TFB1M: variants seen among roughly 807,000 people sequenced by gnomAD.
The protein encoded by TFB1M is dimethyladenosine transferase 1, mitochondrial.
In TFB1M, 27 loss-of-function variants were observed where a neutral mutation model predicts 31.1. That is an observed-to-expected ratio of 0.87 (90% CI 0.64 to 1.20). The LOEUF (loss-of-function observed/expected upper bound fraction) is 1.20. TFB1M is among the 50% of genes most tolerant of loss of function. The probability of loss-of-function intolerance (pLI) is 0.00; values close to 1 mark genes in which losing one functional copy is unlikely to be tolerated. For missense variants in TFB1M, 394 were observed against 418.7 expected (o/e 0.94, Z 0.51); for synonymous variants, 166 against 151.8 (o/e 1.09, Z -0.69).
chr6:155,279,576 T>TTTTCTCATATAGTG, intron 5 of TFB1M, among the ~76,000 whole-genome samples: 1 of 152,358 alleles, frequency 6.6e-6, no homozygotes, highest in Non-Finnish European at 1.5e-5. Context: ...TGTTTTCTCA[T>TTTTCTCATATAGTG]ATGTCTTTCA....
chr6:155,258,173 AAC>A, intron 6 of TFB1M, 91 bp from the exon 7 acceptor site: 1 of 1,471,402 alleles, frequency 6.8e-7, no homozygotes, highest in Non-Finnish European at 9.4e-7. Context: ...AAAACAACAC[AAC>A]ACAGTTGCTG....
chr6:155,248,222 C>T, the TFB1M span: 2,177 of 1,575,824 alleles, frequency 1.4e-3, 21 homozygotes, highest in African/African-American at 0.025. Flanking sequence ...CTGCACAGGG[C>T]GGCGAGGGGC....
rs1305484362 is a variant in TFB1M at position 155,276,196 on chromosome 6, A to AC, written c.666+8961dup. The AC allele has an allele frequency of 1.9e-6, 3 of 1,613,912 alleles. No individual in the cohort carries two copies. In the African/African-American group the frequency reaches 4.0e-5, roughly 22 times the overall value. ...CAGTTCCAGAAAGCAACAAACATGA[A>AC]CCTGGAGGAGCTATCTATATCGGAT... On this transcript the variant is annotated intron_variant, in intron 5 of 6. Coordinates refer to ENST00000367166, the MANE Select transcript of TFB1M (RefSeq NM_016020.4).
the TFB1M span, chr6:155,245,567 G>A: frequency 7.7e-6 from 11 of 1,427,566 alleles, no homozygotes; most frequent in Non-Finnish European, 1.1e-5. Flanking sequence ...AATGCCATAA[G>A]CCAGCACGCA....
At chr6:155,273,037 ACCCC>A in intron 5 of TFB1M, among the ~76,000 whole-genome samples, 1 of 152,330 alleles carries the variant, frequency 6.6e-6, no homozygotes. Context: ...TGTTCCAGCA[ACCCC>A]ACACTTGAAG....
chr6:155,239,334 T>G, the TFB1M span, among the ~76,000 whole-genome samples: 1 of 152,092 alleles, frequency 6.6e-6, no homozygotes, highest in African/African-American at 2.4e-5. Context: ...GCAGCAGAGG[T>G]GGGCCGAGTA....
intron 5 of TFB1M, among the ~76,000 whole-genome samples, chr6:155,272,956 G>C (rs982072103): frequency 6.6e-6 from 1 of 152,240 alleles, no homozygotes; most frequent in South Asian, 2.1e-4. Context: ...TGACAACAAA[G>C]GTTATTCAGT....
Position 155,272,568 on chromosome 6 carries a change from G to A in TFB1M, c.667-12168C>T, listed in dbSNP as rs555594962. Among the ~76,000 whole-genome samples the A allele has an allele frequency of 1.2e-4, 18 of 151,944 alleles. No homozygotes were observed. The South Asian group carries it at 1.5e-3, about 12-fold the overall frequency. On this transcript the variant is annotated intron_variant, in intron 5 of 6. Transcript: ENST00000367166. ...AACAAAGTGTGCCTTTATTCTCTACGAGATAGAAATTTTGAGAGAACAGGC... is the reference window on the plus strand; with the variant it reads ...AACAAAGTGTGCCTTTATTCTCTACAAGATAGAAATTTTGAGAGAACAGGC...
At chr6:155,260,547 T>G in intron 5 of TFB1M, 147 bp from the exon 6 acceptor site, 87 of 986,612 alleles carry the variant, frequency 8.8e-5, no homozygotes, top group Non-Finnish European at 1.2e-4. Flanking sequence ...GTTTCATCTC[T>G]AGGCATGGAA....
intron 5 of TFB1M, among the ~76,000 whole-genome samples, chr6:155,272,001 A>G (rs1056420154): frequency 5.9e-5 from 9 of 152,196 alleles, no homozygotes; most frequent in African/African-American, 1.9e-4. Context: ...TAACACCATC[A>G]GCAGTTTTTA....
intron 2 of TFB1M, among the ~76,000 whole-genome samples, chr6:155,305,383 ATTGTATAT>A (rs1777656051): frequency 3.1e-5 from 1 of 32,280 alleles, no homozygotes; most frequent in African/African-American, 1.4e-4. Flanking sequence ...TATATATTAA[ATTGTATAT>A]TTATATATAT....
chr6:155,242,788 T>G, the TFB1M span, among the ~76,000 whole-genome samples: 1 of 152,128 alleles, frequency 6.6e-6, no homozygotes, highest in Non-Finnish European at 1.5e-5. Context: ...CAGGCTGGAG[T>G]GCAGTGGCAT....
the TFB1M span, chr6:155,248,202 G>GGGCGAGGGCCTGCACAGGGC: frequency 6.2e-7 from 1 of 1,607,810 alleles, no homozygotes; most frequent in Non-Finnish European, 8.5e-7. Flanking sequence ...CGGCACCTCC[G>GGGCGAGGGCCTGCACAGGGC]GGCGAGGGCC....
the TFB1M span, chr6:155,240,780 C>T: frequency 6.7e-7 from 1 of 1,494,078 alleles, no homozygotes; most frequent in South Asian, 1.3e-5. Context: ...GGCAGAGGTC[C>T]CCAGATCACC....
chr6:155,250,563 T>C, the TFB1M span: 567,755 of 1,535,054 alleles, frequency 0.37, 110,099 homozygotes, highest in Middle Eastern at 0.49. Context: ...TCAGAGGTGA[T>C]GGATGTACTA....
At chr6:155,248,502 C>T in the TFB1M span, among the ~76,000 whole-genome samples, 465 of 152,306 alleles carry the variant, frequency 3.1e-3, 4 homozygotes, top group African/African-American at 0.01. Flanking sequence ...TGAAACAGTG[C>T]CGCTGGAACT....
rs772463571 is a variant in TFB1M at position 155,260,411 on chromosome 6, A to G, written c.667-11T>C. ...CACGCCCACGTCCACCTTCGTTGTAAGCAAACATATTATCATTCTGTGGCA... is the reference window on the plus strand; with the variant it reads ...CACGCCCACGTCCACCTTCGTTGTAGGCAAACATATTATCATTCTGTGGCA... On this transcript the variant is annotated splice_polypyrimidine_tract_variant and intron_variant, in intron 5 of 6. Transcript: ENST00000367166. The G allele has an allele frequency of 6.2e-7, 1 of 1,614,208 alleles. No individual in the cohort carries two copies. The highest frequency in any genetic ancestry group is 1.1e-5 in the South Asian group (1 of 91,088).
At chr6:155,286,499 G>GTGTATATATA (rs1324822406) in intron 4 of TFB1M, among the ~76,000 whole-genome samples, 3 of 139,330 alleles carry the variant, frequency 2.2e-5, no homozygotes, top group South Asian at 2.2e-4. Flanking sequence ...ATATATATGT[G>GTGTATATATA]TGTATATATA....
chr6:155,251,321 T>C (rs1224919615), downstream of TFB1M, among the ~76,000 whole-genome samples: 1 of 152,178 alleles, frequency 6.6e-6, no homozygotes, highest in Non-Finnish European at 1.5e-5. Context: ...GGTTTTGCTC[T>C]TGTTGCCCAG....
Sources: gnomAD v4.1 joint callset for allele counts (sites outside exome capture counted in the v4.1 genomes callset) on GRCh38, gnomAD v4.1.1 for gene constraint, MANE v1.5 for transcripts, NCBI Gene and HGNC (gene_info 2026-07-23, HGNC 2026-07-21) for gene names.